ITPRID1: variants seen among roughly 807,000 people sequenced by gnomAD.
ITPRID1 encodes the protein ITPR interacting domain containing 1, also known as protein ITPRID1.
Under a neutral mutation model 95.4 loss-of-function variants are expected in ITPRID1, and 96 were observed. The observed-to-expected ratio is 1.01, with a 90% CI of 0.85 to 1.19. The LOEUF (loss-of-function observed/expected upper bound fraction) is 1.19. ITPRID1 is among the 50% of genes most tolerant of loss of function. The probability of loss-of-function intolerance (pLI) is 0.00; values close to 1 mark genes in which losing one functional copy is unlikely to be tolerated. For missense variants in ITPRID1, 1,339 were observed against 1,252.9 expected, an observed-to-expected ratio of 1.07 and a Z score of -1.04; for synonymous variants, 510 against 453.6, an observed-to-expected ratio of 1.12 and a Z score of -1.58.
At chr7:31,651,049 G>A in intron 12 of ITPRID1, 93 bp from the exon 13 acceptor site, 1 of 1,435,934 alleles carries the variant, frequency 7.0e-7, no homozygotes, top group Non-Finnish European at 9.3e-7. Context: ...TGCGAAAAAA[G>A]GGATCCCAAA....
intron 10 of ITPRID1, among the ~76,000 whole-genome samples, chr7:31,603,943 C>G (rs940805380): frequency 6.6e-6 from 1 of 152,234 alleles, no homozygotes; most frequent in African/African-American, 2.4e-5. Context: ...CCTAGACATA[C>G]TCCTCCTTTA....
At chr7:31,576,733 G>A (rs181014282) in intron 8 of ITPRID1, among the ~76,000 whole-genome samples, 42 of 152,218 alleles carry the variant, frequency 2.8e-4, no homozygotes, top group African/African-American at 8.9e-4. Flanking sequence ...AGTCAGGGAC[G>A]TTGCTGTGAT....
intron 10 of ITPRID1, among the ~76,000 whole-genome samples, chr7:31,594,866 G>GA (rs925851547): frequency 1.4e-5 from 2 of 146,422 alleles, no homozygotes; most frequent in Admixed American, 6.8e-5. Context: ...CAAAAAAAAA[G>GA]AAAAAAAAAG....
chr7:31,550,607 C>T (rs903585169), intron 2 of ITPRID1, among the ~76,000 whole-genome samples: 3 of 152,060 alleles, frequency 2.0e-5, no homozygotes, highest in African/African-American at 7.2e-5. Flanking sequence ...AATCCATTTC[C>T]AGAAGCAGAT....
At chr7:31,531,051 A>C (rs937227113) in intron 1 of ITPRID1, among the ~76,000 whole-genome samples, 2 of 152,222 alleles carry the variant, frequency 1.3e-5, no homozygotes, top group Non-Finnish European at 2.9e-5. Flanking sequence ...AGGGCTGGTC[A>C]TCTCCCAGAG....
At chr7:31,630,890 G>GA (rs1315448308) in intron 10 of ITPRID1, among the ~76,000 whole-genome samples, 2 of 151,792 alleles carry the variant, frequency 1.3e-5, no homozygotes, top group Non-Finnish European at 2.9e-5. Context: ...CTGAATTCAA[G>GA]AAAAAAATAC....
chr7:31,577,093 A>G (rs1292640428), intron 8 of ITPRID1, among the ~76,000 whole-genome samples: 1 of 152,180 alleles, frequency 6.6e-6, no homozygotes, highest in African/African-American at 2.4e-5. Flanking sequence ...TGAAGGGCAA[A>G]TAGGTTTTTA....
intron 1 of ITPRID1, among the ~76,000 whole-genome samples, chr7:31,544,016 G>A (rs1784016083): frequency 2.0e-5 from 3 of 151,884 alleles, no homozygotes; most frequent in South Asian, 4.1e-4. Flanking sequence ...TTTCTCCATT[G>A]TATTGCCTTT....
downstream of ITPRID1, among the ~76,000 whole-genome samples, chr7:31,657,083 TTTTATATATG>T (rs1277171320): frequency 5.7e-4 from 5 of 8,782 alleles, no homozygotes; most frequent in African/African-American, 2.4e-3. Context: ...ATCATATATA[TTTTATATATG>T]ATATATATAA....
At chr7:31,626,211 A>T (rs1270514485) in intron 10 of ITPRID1, among the ~76,000 whole-genome samples, 3 of 152,192 alleles carry the variant, frequency 2.0e-5, no homozygotes, top group African/African-American at 7.2e-5. Context: ...AAAGTTCTTT[A>T]AAAAAGAATC....
Position 31,655,822 on chromosome 7 carries a change from G to A in ITPRID1, c.*2993G>A. The A allele has an allele frequency of 1.0e-6, 1 of 985,556 alleles. No individual in the cohort carries two copies. The highest frequency in any genetic ancestry group is 5.2e-4 in the Middle Eastern group (1 of 1,916). 61.1% of individuals were successfully genotyped at this position (985,556 alleles called of 1,614,324 possible). On this transcript the variant is annotated 3_prime_UTR_variant, in exon 15 of 15. Transcript: ENST00000615280. ...CTCCCCTTCTCCATGTAGACTCCGA[G>A]CTCTCCTGCAGTTTCTTCCTTGCTC...
At chr7:31,529,433 A>G (rs1783522841) in intron 1 of ITPRID1, 1 of 267,346 alleles carries the variant, frequency 3.7e-6, no homozygotes, top group Non-Finnish European at 7.0e-6. Flanking sequence ...TTTCACAGAA[A>G]TAAAACCACA....
chr7:31,561,148 A>G (rs1261117125), intron 5 of ITPRID1, among the ~76,000 whole-genome samples: 1 of 152,212 alleles, frequency 6.6e-6, no homozygotes, highest in Admixed American at 6.5e-5. Flanking sequence ...AGAAGATTGT[A>G]CAGTTTTCAA....
chr7:31,519,620 C>CTCTCTCTCTATATATATA, intron 1 of ITPRID1, among the ~76,000 whole-genome samples: 27 of 25,254 alleles, frequency 1.1e-3, no homozygotes, highest in East Asian at 3.0e-3. Flanking sequence ...CTCTCTCTCT[C>CTCTCTCTCTATATATATA]TATATATATA....
At position 31,652,779 on chromosome 7, in the gene ITPRID1, C is replaced by T. The variant is rs1791080869; in HGVS notation, c.3085C>T (p.Pro1029Ser). Residue 1029 changes from proline (P) to serine (S), a missense_variant, in exon 15 of 15, where the codon CCT (proline) becomes TCT (serine). Coordinates refer to ENST00000615280, the MANE Select transcript of ITPRID1 (RefSeq NM_001257967.3). ...AGCTTGGGCAAAGTTAGGTCCAACC[C>T]CTTTGTCAAATTGTCCTGTTGGAGA... is the stretch of plus-strand genomic sequence containing the variant. The part of the protein sequence containing the change: ...SSAWAKLGPT[P>S]LSNCPVGEKD... 4 of 1,613,694 alleles carry T rather than the reference C, an allele frequency of 2.5e-6. No individual in the cohort carries two copies. Among genetic ancestry groups the T allele is most frequent in the Non-Finnish European group, 3.4e-6 (4 of 1,179,816 alleles).
At chr7:31,521,904 ATTTTTT>A (rs55777151) in intron 1 of ITPRID1, among the ~76,000 whole-genome samples, 23,263 of 119,186 alleles carry the variant, frequency 0.2, 2,424 homozygotes, top group Middle Eastern at 0.28. Flanking sequence ...GGCTAATTTA[ATTTTTT>A]TTTTTTTTTT....
intron 10 of ITPRID1, among the ~76,000 whole-genome samples, chr7:31,612,883 C>A (rs183843539): frequency 3.5e-4 from 54 of 152,256 alleles, no homozygotes; most frequent in Admixed American, 5.9e-4. Context: ...TTTTCAAAGT[C>A]CACTATTAGC....
At chr7:31,544,499 C>T (rs896652148) in intron 1 of ITPRID1, among the ~76,000 whole-genome samples, 2 of 152,204 alleles carry the variant, frequency 1.3e-5, no homozygotes, top group Middle Eastern at 3.4e-3. Context: ...GCCTATTCAT[C>T]CATTATCCCA....
intron 10 of ITPRID1, among the ~76,000 whole-genome samples, chr7:31,636,328 T>G (rs755009534): frequency 6.6e-6 from 1 of 152,224 alleles, no homozygotes; most frequent in Non-Finnish European, 1.5e-5. Context: ...TGTGCTAGTG[T>G]TCTAACGTAT....
Sources: gnomAD v4.1 joint callset for allele counts (sites outside exome capture counted in the v4.1 genomes callset) on GRCh38, gnomAD v4.1.1 for gene constraint, MANE v1.5 for transcripts, NCBI Gene and HGNC (gene_info 2026-07-23, HGNC 2026-07-21) for gene names.